Variants in GSE1 observed in about 807,000 individuals in gnomAD.
The protein encoded by GSE1 is genetic suppressor element 1.
Under a neutral mutation model 112.6 loss-of-function variants are expected in GSE1, and 32 were observed. The ratio of observed to expected loss-of-function variants is 0.28; its 90% CI spans 0.21 to 0.38. GSE1 has a LOEUF of 0.38. GSE1 is among the 10% of genes least tolerant of loss of function. The pLI, the probability that GSE1 is intolerant of heterozygous loss-of-function variation, is 1.00. For missense variants in GSE1, 2,348 were observed against 1,699.2 expected (o/e 1.38, Z -6.71); for synonymous variants, 1,115 against 735.6 (o/e 1.52, Z -8.35).
intron 1 of GSE1, among the ~76,000 whole-genome samples, chr16:85,215,008 C>T (rs1364373410): frequency 1.3e-5 from 2 of 152,154 alleles, no homozygotes; most frequent in Non-Finnish European, 2.9e-5. Flanking sequence ...GGCGCAAGGC[C>T]CAGCTAGAGT....
At chr16:85,283,195 C>G (rs2044907144) in intron 1 of GSE1, 1 of 152,894 alleles carries the variant, frequency 6.5e-6, no homozygotes, top group African/African-American at 2.4e-5. Flanking sequence ...CTAGCCATGC[C>G]TCTGCCATTG....
At chr16:85,609,993 AG>A (rs2047895037), upstream of GSE1, among the ~76,000 whole-genome samples, 1 of 152,186 alleles carries the variant, frequency 6.6e-6, no homozygotes, top group Admixed American at 6.5e-5. Flanking sequence ...TTTGTGGTGC[AG>A]GTCTAATAGG....
chr16:85,670,890 A>G lies in GSE1; in HGVS notation c.3416-105A>G, dbSNP rs1598728045. On this transcript the variant is annotated intron_variant, in intron 14 of 15. Transcript: ENST00000253458. ...GAGAGGCCTTCGCTGGCTGCACTGG[A>G]GAGAGGTTTTGGGCTCTGCTGGGCA... The G allele has an allele frequency of 3.1e-5, 22 of 717,526 alleles. 1 individual carries two copies. In the South Asian group the frequency reaches 3.4e-4, roughly 11 times the overall value. 44.4% of individuals were successfully genotyped at this position (717,526 alleles called of 1,614,324 possible).
intron 1 of GSE1, among the ~76,000 whole-genome samples, chr16:85,328,565 A>C (rs772541490): frequency 2.6e-5 from 4 of 152,180 alleles, no homozygotes; most frequent in Non-Finnish European, 5.9e-5. Context: ...CCTGCTTCCC[A>C]AGCAACAGAG....
At chr16:85,640,446 G>T (rs1430701670) in intron 2 of GSE1, among the ~76,000 whole-genome samples, 2 of 152,230 alleles carry the variant, frequency 1.3e-5, no homozygotes, top group African/African-American at 4.8e-5. Flanking sequence ...AGGCCCGCGG[G>T]GCCCTGTGCC....
chr16:85,515,166 C>T (rs1162538082), intron 2 of GSE1, among the ~76,000 whole-genome samples: 1 of 152,176 alleles, frequency 6.6e-6, no homozygotes, highest in Non-Finnish European at 1.5e-5. Flanking sequence ...ACAAACAAGC[C>T]CTGATGTTTC....
At chr16:85,270,078 CG>C (rs1256160534) in intron 1 of GSE1, among the ~76,000 whole-genome samples, 1 of 149,210 alleles carries the variant, frequency 6.7e-6, no homozygotes, top group Non-Finnish European at 1.5e-5. Context: ...TCCTTCCATG[CG>C]GCTATGTTAC....
At chr16:85,185,738 G>A (rs1048620939) in intron 1 of GSE1, among the ~76,000 whole-genome samples, 1 of 152,244 alleles carries the variant, frequency 6.6e-6, no homozygotes, top group African/African-American at 2.4e-5. Context: ...CCACTTCCTG[G>A]TGCTTCGCCC....
Position 85,522,440 on chromosome 16 carries a change from T to G in GSE1, c.2465-111474T>G, listed in dbSNP as rs764491966. 8.9e-5 allele frequency among the ~76,000 whole-genome samples: 11 copies of G among 123,110 alleles called. No homozygotes were observed. The South Asian group carries it at 3.1e-3, about 35-fold the overall frequency. The allele number at this position is 123,110 out of a possible 152,430, so 80.8% of individuals were successfully genotyped here. On this transcript the variant is annotated intron_variant, in intron 2 of 2. Transcript: ENST00000637419. ...TCCAGGGTCAGTAGCACTCCCTCCC[T>G]GCCAGAGGAGACCTTCCTGCCCGCC... is the stretch of plus-strand genomic sequence containing the variant.
At position 85,654,980 on chromosome 16, in the gene GSE1, C is replaced by T; in HGVS notation, c.786C>T (p.His262=). Reference sequence around the variant, plus strand: ...ACCTGGCCCCACACCCCTTCCCCCACCCGGCCTTCAGGTGAGGCATCCCCC... The same window carrying T: ...ACCTGGCCCCACACCCCTTCCCCCATCCGGCCTTCAGGTGAGGCATCCCCC... The part of the protein sequence containing the change: ...PSYLAPHPFP[H]PAFRMDDSYC... Residue 262 remains histidine (H), a synonymous_variant, in exon 5 of 16, where the codon CAC becomes CAT. Coordinates refer to ENST00000253458, the MANE Select transcript of GSE1 (RefSeq NM_014615.5). 2 of 1,591,400 alleles carry T rather than the reference C, an allele frequency of 1.3e-6. No individual in the cohort carries two copies. Among genetic ancestry groups the T allele is most frequent in the Non-Finnish European group, 1.7e-6 (2 of 1,168,856 alleles).
intron 1 of GSE1, among the ~76,000 whole-genome samples, chr16:85,627,717 T>C (rs1271130045): frequency 6.6e-6 from 1 of 151,824 alleles, no homozygotes; most frequent in Non-Finnish European, 1.5e-5. Flanking sequence ...CTTCACACGG[T>C]GGAGCGTATT....
chr16:85,665,157 C>CACCCAGGACCATCCCATGGGCT, intron 12 of GSE1, 29 bp downstream of exon 12: 1 of 1,338,190 alleles, frequency 7.5e-7, no homozygotes, highest in South Asian at 1.2e-5. Context: ...CACCTGCCAC[C>CACCCAGGACCATCCCATGGGCT]ACCCAGGACC....
chr16:85,539,257 C>T (rs921076994), intron 2 of GSE1, among the ~76,000 whole-genome samples: 1 of 152,202 alleles, frequency 6.6e-6, no homozygotes, highest in Non-Finnish European at 1.5e-5. Context: ...TGCAAACCTG[C>T]TTGGTGCCCC....
At chr16:85,535,447 T>C (rs527531525) in intron 2 of GSE1, among the ~76,000 whole-genome samples, 80 of 152,346 alleles carry the variant, frequency 5.3e-4, no homozygotes, top group African/African-American at 1.8e-3. Flanking sequence ...AGTGGGATTT[T>C]ACAGACACCC....
At position 85,361,728 on chromosome 16, in the gene GSE1, C is replaced by G. The variant is rs116201742; in HGVS notation, c.2464+4085C>G. Among the ~76,000 whole-genome samples the G allele has an allele frequency of 9.0e-3, 1,374 of 152,318 alleles. 19 individuals are homozygous for G. The highest frequency in any genetic ancestry group is 0.031 in the African/African-American group (1,297 of 41,566). ...CAGGTACAGGAGGAGCCTGTGCCGA[C>G]CTGGGCCCTGGGCAGAGTCCCCCAG... On this transcript the variant is annotated intron_variant, in intron 2 of 2. Coordinates refer to the GSE1 transcript ENST00000637419.
At chr16:85,425,069 G>C (rs1237316498) in intron 2 of GSE1, among the ~76,000 whole-genome samples, 2 of 152,240 alleles carry the variant, frequency 1.3e-5, no homozygotes, top group Non-Finnish European at 2.9e-5. Flanking sequence ...GGGGCCCCGG[G>C]CCACTCACCC....
chr16:85,505,965 CAA>C (rs75845915), intron 2 of GSE1, among the ~76,000 whole-genome samples: 42 of 132,052 alleles, frequency 3.2e-4, no homozygotes, highest in Non-Finnish European at 2.7e-4. Flanking sequence ...ACCCTGTCTC[CAA>C]AAAAAAAAAA....
chr16:85,407,909 T>C (rs1377273420), intron 2 of GSE1, among the ~76,000 whole-genome samples: 2 of 38,952 alleles, frequency 5.1e-5, no homozygotes, highest in Admixed American at 2.3e-4. Flanking sequence ...CCCCCCTGGA[T>C]AATCCTCACC....
chr16:85,221,646 G>A (rs1365912153), intron 1 of GSE1, among the ~76,000 whole-genome samples: 4 of 152,298 alleles, frequency 2.6e-5, no homozygotes, highest in Non-Finnish European at 1.5e-5. Context: ...AGGACGTGCC[G>A]CCTGAATGGT....
Sources: allele counts gnomAD v4.1 joint callset (sites outside exome capture counted in the v4.1 genomes callset), GRCh38; gene constraint gnomAD v4.1.1; transcripts MANE v1.5; gene names NCBI Gene and HGNC (gene_info 2026-07-23, HGNC 2026-07-21).